Variants in ARHGEF10 observed in about 807,000 individuals in gnomAD.
ARHGEF10 encodes Rho guanine nucleotide exchange factor (GEF) 10.
In ARHGEF10, 140 loss-of-function variants were observed where a neutral mutation model predicts 147.4. The ratio of observed to expected loss-of-function variants is 0.95; its 90% CI spans 0.83 to 1.09. The LOEUF (loss-of-function observed/expected upper bound fraction) is 1.09, where lower values mean the gene tolerates loss of function less well. Among genes scored for constraint, ARHGEF10 ranks in the 50% least tolerant of loss-of-function variants. The pLI is 0.00. For synonymous variants in ARHGEF10, 902 were observed against 695.8 expected, an observed-to-expected ratio of 1.30 and a Z score of -4.67; for missense variants, 2,222 against 1,752.7, an observed-to-expected ratio of 1.27 and a Z score of -4.78.
At position 1,898,451 on chromosome 8, in the gene ARHGEF10, C is replaced by T; in HGVS notation, c.1576C>T (p.Pro526Ser). 4 of 1,614,108 alleles carry T rather than the reference C, an allele frequency of 2.5e-6. No individual in the cohort carries two copies. The highest frequency in any genetic ancestry group is 2.2e-5 in the East Asian group (1 of 44,852). ...EFLKQEQEAS[P>S]DRTTLYSLMM... ...CCCACAGCAGGAACAGGAGGCCAGC[C>T]CCGATCGAACCACGCTCTACAGCCT... The change falls in exon 15 of 29, where the codon CCC (proline) becomes TCC (serine). Residue 526 changes from proline to serine, a missense_variant. Pro to Ser is a moderately conservative substitution (Grantham distance 74). Coordinates refer to ENST00000349830, the MANE Select transcript of ARHGEF10 (RefSeq NM_014629.4).
At chr8:1,883,117 C>A (rs1325172450) in intron 10 of ARHGEF10, among the ~76,000 whole-genome samples, 3 of 152,146 alleles carry the variant, frequency 2.0e-5, no homozygotes, top group Admixed American at 6.5e-5. Context: ...TCGTGAGCGT[C>A]CTGAACTGGC....
chr8:1,848,274 G>A (rs955455500), intron 2 of ARHGEF10, among the ~76,000 whole-genome samples: 6 of 152,198 alleles, frequency 3.9e-5, no homozygotes, highest in African/African-American at 9.7e-5. Flanking sequence ...GCCACACGGC[G>A]TTTCCTACTT....
intron 2 of ARHGEF10, among the ~76,000 whole-genome samples, chr8:1,849,596 C>G (rs1804854469): frequency 7.3e-6 from 1 of 137,484 alleles, no homozygotes; most frequent in African/African-American, 2.8e-5. Flanking sequence ...TGCGTGGACA[C>G]AGACGGCAAA....
At chr8:1,930,939 C>T (rs980525923) in intron 25 of ARHGEF10, among the ~76,000 whole-genome samples, 1 of 152,254 alleles carries the variant, frequency 6.6e-6, no homozygotes, top group Non-Finnish European at 1.5e-5. Context: ...CCTCTGGTTG[C>T]CTCCCTCTCA....
intron 15 of ARHGEF10, among the ~76,000 whole-genome samples, chr8:1,901,299 C>T (rs1451700223): frequency 1.3e-5 from 2 of 152,110 alleles, no homozygotes; most frequent in Non-Finnish European, 2.9e-5. Flanking sequence ...CCCTCTGTCC[C>T]CTTCCTCCCA....
chr8:1,859,936 C>T lies in ARHGEF10; in HGVS notation c.233C>T (p.Ala78Val), dbSNP rs557965354. ...DGAGAETTPVAEPTKLVLPMK... is the reference protein window; with the variant it reads ...DGAGAETTPVVEPTKLVLPMK... ...GCTGGAGCAGAAACCACCCCAGTGGCAGAGCCTACTAAGCTGGTGCTCCCG... is the reference window on the plus strand; with the variant it reads ...GCTGGAGCAGAAACCACCCCAGTGGTAGAGCCTACTAAGCTGGTGCTCCCG... The change falls in exon 4 of 29, where the codon GCA becomes GTA. Residue 78 changes from alanine to valine, a missense_variant. Physicochemically the swap from Ala to Val is moderately conservative, Grantham distance 64. Coordinates refer to ENST00000349830, the MANE Select transcript of ARHGEF10 (RefSeq NM_014629.4). The T allele has an allele frequency of 2.5e-6, 4 of 1,614,192 alleles. No individual in the cohort carries two copies. Among genetic ancestry groups the T allele is most frequent in the East Asian group, 4.5e-5 (2 of 44,876 alleles).
intron 23 of ARHGEF10, 26 bp downstream of exon 23, chr8:1,926,489 T>G: frequency 1.9e-6 from 3 of 1,597,498 alleles, no homozygotes; most frequent in Non-Finnish European, 2.6e-6. Context: ...TTGGTTTTGG[T>G]ACAAGTTCAC....
At chr8:1,888,320 G>A (rs1808957346) in intron 11 of ARHGEF10, among the ~76,000 whole-genome samples, 1 of 106,378 alleles carries the variant, frequency 9.4e-6, no homozygotes, top group Non-Finnish European at 2.0e-5. Context: ...GATATGCTGA[G>A]TGGGATGTTG....
chr8:1,870,248 T>A (rs2129095459), intron 7 of ARHGEF10: 1 of 150,628 alleles, frequency 6.6e-6, no homozygotes, highest in East Asian at 1.9e-4. Context: ...TTTTTTTTTT[T>A]TTTTTTTTTT....
chr8:1,904,512 A>G (rs1810729127), intron 16 of ARHGEF10, among the ~76,000 whole-genome samples: 1 of 152,196 alleles, frequency 6.6e-6, no homozygotes, highest in Non-Finnish European at 1.5e-5. Context: ...TTATGTAGGA[A>G]CGTTTATAAG....
rs1563233854 is a variant in ARHGEF10, at chr8:1,888,190, T to TGTGAGGAGA, written c.1182+2483_1182+2484insGTGAGGAGA. Among the ~76,000 whole-genome samples, 57 of 45,102 alleles carry TGTGAGGAGA rather than the reference T, an allele frequency of 1.3e-3. 17 individuals are homozygous for TGTGAGGAGA. The highest frequency in any genetic ancestry group is 9.3e-3 in the African/African-American group (48 of 5,134). The allele number at this position is 45,102 out of a possible 152,430, so 29.6% of individuals were successfully genotyped here. A position where few individuals can be genotyped will look rare whatever the true frequency, so the allele number is the denominator to read the frequency against. On this transcript the variant is annotated intron_variant, in intron 11 of 28. Coordinates refer to ENST00000349830, the MANE Select transcript of ARHGEF10 (RefSeq NM_014629.4). ...AGGAGACAGTGAGTGGGGTGAGGGT[T>TGTGAGGAGA]TGCGAGGAGACACTTAGTGGGGCGA...
Position 1,905,614 on chromosome 8 carries a change from T to C in ARHGEF10, c.1865T>C (p.Met622Thr). 1 of 1,614,194 alleles carries C rather than the reference T, an allele frequency of 6.2e-7. No homozygotes were observed. Among genetic ancestry groups the C allele is most frequent in the Non-Finnish European group, 8.5e-7 (1 of 1,180,040 alleles). ...CGATACCTCATTCGATCAGATGATA[T>C]GATAGAAACAGTTTACAACGACAGA... ...GSRYLIRSDD[M>T]IETVYNDRGE... Residue 622 changes from methionine to threonine, a missense_variant, in exon 17 of 29, where the codon ATG becomes ACG. Coordinates refer to ENST00000349830, the MANE Select transcript of ARHGEF10 (RefSeq NM_014629.4).
intron 26 of ARHGEF10, among the ~76,000 whole-genome samples, chr8:1,936,541 A>T (rs1048537282): frequency 3.3e-5 from 5 of 152,140 alleles, no homozygotes; most frequent in African/African-American, 4.8e-5. Context: ...CTCACACAAA[A>T]TGTCACAGGA....
At chr8:1,920,505 C>CT (rs35051807) in intron 18 of ARHGEF10, among the ~76,000 whole-genome samples, 103,229 of 151,436 alleles carry the variant, frequency 0.68, 35,188 homozygotes, top group East Asian at 0.76. Flanking sequence ...TTTTTAAACT[C>CT]TATGTTTTTG....
intron 1 of ARHGEF10, among the ~76,000 whole-genome samples, 179 bp downstream of exon 1, chr8:1,824,292 C>A (rs1429390400): frequency 6.6e-6 from 1 of 151,900 alleles, no homozygotes; most frequent in Non-Finnish European, 1.5e-5. Flanking sequence ...CGAGCAGCTC[C>A]CCCTTCCGCG....
At chr8:1,867,482 T>G (rs1351587719) in intron 6 of ARHGEF10, among the ~76,000 whole-genome samples, 1 of 152,198 alleles carries the variant, frequency 6.6e-6, no homozygotes, top group Non-Finnish European at 1.5e-5. Context: ...AAACTCTATT[T>G]TTATGTACAT....
intron 23 of ARHGEF10, chr8:1,927,382 C>T (rs796140229): frequency 1.1e-4 from 17 of 151,888 alleles, no homozygotes; most frequent in African/African-American, 3.4e-4. Flanking sequence ...ACAACAAATA[C>T]AAGAATAAGG....
intron 25 of ARHGEF10, among the ~76,000 whole-genome samples, chr8:1,930,726 C>T (rs1052312786): frequency 6.6e-6 from 1 of 152,252 alleles, no homozygotes; most frequent in African/African-American, 2.4e-5. Context: ...CTTGGGGAGG[C>T]TCTCTCGACC....
At position 1,883,079 on chromosome 8, in the gene ARHGEF10, C is replaced by T. The variant is rs1808356084; in HGVS notation, c.1075+330C>T. 4.6e-5 allele frequency among the ~76,000 whole-genome samples: 7 copies of T among 152,318 alleles called. 1 individual carries two copies. In the South Asian group the frequency reaches 1.5e-3, roughly 32 times the overall value. On this transcript the variant is annotated intron_variant, in intron 10 of 28. Transcript: ENST00000349830. ...TCTGTATTTATAGCACATTGGCCCT[C>T]CTGGGCATGGTCCCGCAGGGACTGA...
Sources: allele counts gnomAD v4.1 joint callset (sites outside exome capture counted in the v4.1 genomes callset), GRCh38; gene constraint gnomAD v4.1.1; transcripts MANE v1.5; gene names NCBI Gene and HGNC (gene_info 2026-07-23, HGNC 2026-07-21).